The following EYS variants were observed in gnomAD, a reference collection of about 807,000 sequenced individuals.
The protein encoded by EYS is EGF-like photoreceptor maintenance factor.
A neutral mutation model predicts 282.1 loss-of-function variants in EYS; 250 were observed. The ratio of observed to expected loss-of-function variants is 0.89; its 90% CI spans 0.80 to 0.98. The LOEUF (loss-of-function observed/expected upper bound fraction) is 0.98. Among genes scored for constraint, EYS ranks in the 50% least tolerant of loss-of-function variants. The pLI, the probability that EYS is intolerant of heterozygous loss-of-function variation, is 0.00. For synonymous variants in EYS, 1,355 were observed against 1,282.9 expected (o/e 1.06, Z -1.20); for missense variants, 4,016 against 3,709.0 (o/e 1.08, Z -2.15).
At chr6:65,285,359 T>C (rs150060710) in intron 12 of EYS, among the ~76,000 whole-genome samples, 1 of 151,796 alleles carries the variant, frequency 6.6e-6, no homozygotes, top group East Asian at 1.9e-4. Context: ...GTATCACCTT[T>C]ACATTGTAGC....
chr6:64,287,582 A>G (rs888999071), intron 30 of EYS, among the ~76,000 whole-genome samples: 1 of 152,136 alleles, frequency 6.6e-6, no homozygotes, highest in Admixed American at 6.6e-5. Context: ...TGCAAATGTC[A>G]ACAATAGAGC....
At chr6:64,239,421 T>C (rs1766719758) in intron 30 of EYS, among the ~76,000 whole-genome samples, 1 of 152,206 alleles carries the variant, frequency 6.6e-6, no homozygotes, top group South Asian at 2.1e-4. Context: ...ATCTGTTGTT[T>C]CCTGACTTTT....
chr6:65,149,227 T>C (rs1026275550), intron 12 of EYS, among the ~76,000 whole-genome samples: 1 of 152,116 alleles, frequency 6.6e-6, no homozygotes, highest in Non-Finnish European at 1.5e-5. Context: ...ATTTTTATGC[T>C]CTGCTTCCTC....
chr6:64,619,466 A>G (rs1447452750), intron 23 of EYS, among the ~76,000 whole-genome samples: 4 of 152,078 alleles, frequency 2.6e-5, no homozygotes, highest in South Asian at 2.1e-4. Flanking sequence ...AACATTTTTA[A>G]AGGCCAGGTG....
At chr6:65,636,419 C>T (rs1326552941) in intron 2 of EYS, among the ~76,000 whole-genome samples, 1 of 152,162 alleles carries the variant, frequency 6.6e-6, no homozygotes, top group Non-Finnish European at 1.5e-5. Flanking sequence ...GCCTGGAAGT[C>T]TACTCTGGTT....
intron 14 of EYS, among the ~76,000 whole-genome samples, chr6:64,996,837 T>C (rs142934743): frequency 1.4e-4 from 21 of 152,354 alleles, no homozygotes; most frequent in African/African-American, 4.8e-4. Flanking sequence ...AGCTTTGTTT[T>C]CTAACTTCAA....
chr6:65,682,048 C>T (rs1768844440), intron 1 of EYS, among the ~76,000 whole-genome samples: 1 of 151,910 alleles, frequency 6.6e-6, no homozygotes, highest in Admixed American at 6.6e-5. Flanking sequence ...ACTCTCCTGC[C>T]TTTTGTTTCA....
rs142689660 is a variant in EYS, at chr6:64,536,366, A to C, written c.5644+53857T>G. On this transcript the variant is annotated intron_variant, in intron 26 of 42. Coordinates refer to ENST00000503581, the MANE Select transcript of EYS (RefSeq NM_001142800.2). ...ACAGAGATCATTCACCTTAACTGTC[A>C]GCAGGAATTCCAGAATAAGTCATTT... 2.0e-5 allele frequency among the ~76,000 whole-genome samples: 3 copies of C among 152,216 alleles called. No individual in the cohort carries two copies. The East Asian group carries it at 5.8e-4, about 29-fold the overall frequency.
At chr6:65,080,948 G>T (rs1035589656) in intron 12 of EYS, among the ~76,000 whole-genome samples, 3 of 151,926 alleles carry the variant, frequency 2.0e-5, no homozygotes, top group Admixed American at 1.3e-4. Context: ...TCTCTTCAGG[G>T]GAGAGCAAAA....
chr6:65,067,434 T>C (rs1773780303), intron 12 of EYS, among the ~76,000 whole-genome samples: 1 of 152,078 alleles, frequency 6.6e-6, no homozygotes, highest in Admixed American at 6.6e-5. Flanking sequence ...AAACACACCA[T>C]TAATTATTGG....
At chr6:65,565,332 C>A (rs1289850516) in intron 2 of EYS, among the ~76,000 whole-genome samples, 1 of 143,046 alleles carries the variant, frequency 7.0e-6, no homozygotes, top group Non-Finnish European at 1.5e-5. Flanking sequence ...ATGTGGCCAA[C>A]AAACATATGA....
chr6:64,108,507 CTTTTTTTT>C (rs530004392), intron 31 of EYS, among the ~76,000 whole-genome samples: 1 of 116,850 alleles, frequency 8.6e-6, no homozygotes, highest in Non-Finnish European at 1.8e-5. Context: ...TCCACTACTG[CTTTTTTTT>C]TTTTTTTTTT....
At chr6:64,830,243 T>G (rs552412763) in intron 19 of EYS, among the ~76,000 whole-genome samples, 1 of 152,096 alleles carries the variant, frequency 6.6e-6, no homozygotes, top group Non-Finnish European at 1.5e-5. Context: ...CTTGGACTTC[T>G]TATCCTCTAG....
At chr6:63,966,176 A>G (rs1025559375) in intron 35 of EYS, among the ~76,000 whole-genome samples, 1 of 152,174 alleles carries the variant, frequency 6.6e-6, no homozygotes, top group Non-Finnish European at 1.5e-5. Context: ...ATGGAATACT[A>G]CTCAGCCATA....
At chr6:64,437,405 C>T (rs1774789488) in intron 27 of EYS, among the ~76,000 whole-genome samples, 1 of 151,636 alleles carries the variant, frequency 6.6e-6, no homozygotes, top group Non-Finnish European at 1.5e-5. Context: ...AGGATATATA[C>T]TTACAAGTCT....
chr6:65,659,220 C>T (rs1399787455), intron 1 of EYS, among the ~76,000 whole-genome samples: 2 of 151,510 alleles, frequency 1.3e-5, no homozygotes, highest in Non-Finnish European at 3.0e-5. Flanking sequence ...TTTGCTCTGC[C>T]ACAAACAACC....
rs967982022 is a variant in EYS, at chr6:64,255,369, C to T, written c.6192-24545G>A. On this transcript the variant is annotated intron_variant, in intron 30 of 42. Coordinates refer to ENST00000503581, the MANE Select transcript of EYS (RefSeq NM_001142800.2). ...CACTTTGTCTATGAGCATCATCTTT[C>T]TTTTCTTCCTAGGTCTAGTTTTCTC... Among the ~76,000 whole-genome samples the T allele has an allele frequency of 2.0e-5, 3 of 152,040 alleles. No homozygotes were observed. In the South Asian group the frequency reaches 6.2e-4, roughly 31 times the overall value.
intron 35 of EYS, among the ~76,000 whole-genome samples, chr6:63,895,875 A>G (rs1773522732): frequency 7.3e-6 from 1 of 137,708 alleles, no homozygotes; most frequent in African/African-American, 2.8e-5. Flanking sequence ...TATGTGGACA[A>G]TTCTTATTTA....
chr6:65,617,146 T>A (rs1415039366), intron 2 of EYS, among the ~76,000 whole-genome samples: 2 of 152,148 alleles, frequency 1.3e-5, no homozygotes, highest in Non-Finnish European at 2.9e-5. Flanking sequence ...AGATATTCAT[T>A]AAACATCAAG....
Sources: allele counts gnomAD v4.1 joint callset (sites outside exome capture counted in the v4.1 genomes callset), GRCh38; gene constraint gnomAD v4.1.1; transcripts MANE v1.5; gene names NCBI Gene and HGNC (gene_info 2026-07-23, HGNC 2026-07-21).